The following FAH variants were observed in gnomAD, a reference collection of about 807,000 sequenced individuals.
FAH encodes the protein fumarylacetoacetase.
A neutral mutation model predicts 55.8 loss-of-function variants in FAH; 47 were observed. That is an observed-to-expected ratio of 0.84 (90% confidence interval 0.67 to 1.07). FAH has a LOEUF of 1.07. Ranked by LOEUF, FAH falls within the 50% of genes least tolerant of loss-of-function variation. FAH has a pLI of 0.00. For synonymous variants in FAH, 199 were observed against 207.7 expected, an observed-to-expected ratio of 0.96 and a Z score of 0.36; for missense variants, 495 against 545.9, an observed-to-expected ratio of 0.91 and a Z score of 0.93.
At position 80,168,057 on chromosome 15, in the gene FAH, A is replaced by G; in HGVS notation, c.461A>G (p.His154Arg). The G allele has an allele frequency of 1.9e-6, 3 of 1,613,918 alleles. No homozygotes were observed. The highest frequency in any genetic ancestry group is 2.5e-6 in the Non-Finnish European group (3 of 1,179,832). Residue 154 changes from histidine (H) to arginine (R), a missense_variant, in exon 6 of 14, where the codon CAC (histidine) becomes CGC (arginine). Coordinates refer to ENST00000561421, the MANE Select transcript of FAH (RefSeq NM_000137.4). ...KENALMPNWL[H>R]LPVGYHGRAS... The stretch of plus-strand genomic sequence containing the variant: ...CTCTTGCCTTCCTTTCTCAGGCTGC[A>G]CTTACCAGTGGGCTACCATGGCCGT...
chr15:80,173,032 G>T lies in FAH; in HGVS notation c.725G>T (p.Trp242Leu), dbSNP rs1227138344. 6.2e-7 allele frequency: 1 copy of T among 1,614,228 alleles called. No individual in the cohort carries two copies. The highest frequency in any genetic ancestry group is 1.7e-5 in the Admixed American group (1 of 60,024). The change falls in exon 9 of 14, where the codon TGG becomes TTG. Residue 242 changes from tryptophan to leucine, a missense_variant. Physicochemically the swap from Trp to Leu is moderately conservative, Grantham distance 61 (BLOSUM62 -2). Coordinates refer to ENST00000561421, the MANE Select transcript of FAH (RefSeq NM_000137.4). ...NDWSARDIQK[W>L]EYVPLGPFLG... Reference sequence around the variant, plus strand: ...TCTGCAGCACGAGACATTCAGAAGTGGGAGTATGTCCCTCTCGGGCCATTC... The same window carrying T: ...TCTGCAGCACGAGACATTCAGAAGTTGGAGTATGTCCCTCTCGGGCCATTC...
In FAH at chr15:80,167,530, C is replaced by CT. The variant is rs11315019; in HGVS notation, c.456-503dup. 1.9e-3 allele frequency among the ~76,000 whole-genome samples: 209 copies of CT among 110,762 alleles called. 1 individual carries two copies. Among genetic ancestry groups the CT allele is most frequent in the Middle Eastern group, 4.8e-3 (1 of 208 alleles). 72.7% of individuals were successfully genotyped at this position (110,762 alleles called of 152,430 possible). On this transcript the variant is annotated intron_variant, in intron 5 of 13. Coordinates refer to ENST00000561421, the MANE Select transcript of FAH (RefSeq NM_000137.4). ...TCTGGGAGTTAGGACATGGCTGTAT[C>CT]TTTTTTTTTTTTTTTTTTTGAGATG...
chr15:80,180,700 C>T (rs1415612358), intron 12 of FAH, among the ~76,000 whole-genome samples: 1 of 152,038 alleles, frequency 6.6e-6, no homozygotes, highest in African/African-American at 2.4e-5. Context: ...CTTGAGCTGT[C>T]GACAGGAGGG....
intron 12 of FAH, 57 bp downstream of exon 12, chr15:80,180,282 A>C (rs1293179059): frequency 2.2e-6 from 3 of 1,387,356 alleles, no homozygotes; most frequent in Non-Finnish European, 3.0e-6. Flanking sequence ...CTCCCCACAC[A>C]GCCCCAAGGG....
chr15:80,158,051 T>C lies in FAH; in HGVS notation c.82-9T>C, dbSNP rs1281899641. Reference sequence around the variant, plus strand: ...TTTTCTGGTGCTGACGGTGTCGTCTTCCTCCTAGCCAAGACCGAGGATAGG... The same window carrying C: ...TTTTCTGGTGCTGACGGTGTCGTCTCCCTCCTAGCCAAGACCGAGGATAGG... On this transcript the variant is annotated splice_polypyrimidine_tract_variant and intron_variant, in intron 1 of 13. Coordinates refer to ENST00000561421, the MANE Select transcript of FAH (RefSeq NM_000137.4). 6.2e-7 allele frequency: 1 copy of C among 1,608,480 alleles called. No homozygotes were observed. The highest frequency in any genetic ancestry group is 1.1e-5 in the South Asian group (1 of 90,976).
At chr15:80,184,390 T>C (rs1396238438) in intron 13 of FAH, among the ~76,000 whole-genome samples, 1 of 152,200 alleles carries the variant, frequency 6.6e-6, no homozygotes, top group African/African-American at 2.4e-5. Context: ...GCATTATTGC[T>C]TGCCTTGCCT....
Position 80,175,702 on chromosome 15 carries a change from C to T in FAH, c.913+611C>T, listed in dbSNP as rs140981280. Among the ~76,000 whole-genome samples the T allele has an allele frequency of 2.4e-3, 359 of 152,372 alleles. 2 individuals are homozygous for T. Among genetic ancestry groups the T allele is most frequent in the Non-Finnish European group, 4.0e-3 (271 of 68,030 alleles). ...GGCGTTGGTAATAAAGAGACTGGCT[C>T]TGCAGGCCATGACTCTGCTGCTCAG... is the stretch of plus-strand genomic sequence containing the variant. On this transcript the variant is annotated intron_variant, in intron 10 of 13. Transcript: ENST00000561421.
At chr15:80,166,639 T>C (rs890581948) in intron 5 of FAH, among the ~76,000 whole-genome samples, 25 of 146,394 alleles carry the variant, frequency 1.7e-4, no homozygotes, top group Middle Eastern at 3.5e-3. Flanking sequence ...CATTTTCTTT[T>C]TTTTTTTTTT....
At chr15:80,178,216 A>C (rs1357050336) in intron 11 of FAH, among the ~76,000 whole-genome samples, 3 of 152,120 alleles carry the variant, frequency 2.0e-5, no homozygotes, top group African/African-American at 7.2e-5. Context: ...TAAAAATTAA[A>C]AAAAGTGCAT....
intron 2 of FAH, 64 bp from the exon 3 acceptor site, chr15:80,159,691 TG>T: frequency 6.2e-7 from 1 of 1,607,970 alleles, no homozygotes; most frequent in Non-Finnish European, 8.5e-7. Flanking sequence ...GGCCTTCCAT[TG>T]GAAGGAGGGA....
At chr15:80,179,688 G>T (rs2142107312) in intron 11 of FAH, among the ~76,000 whole-genome samples, 1 of 152,344 alleles carries the variant, frequency 6.6e-6, no homozygotes, top group South Asian at 2.1e-4. Flanking sequence ...GAGAATGGGA[G>T]CGAGGGCTTT....
rs189857549 is a variant in FAH at position 80,177,941 on chromosome 15, T to A, written c.960+358T>A. 2.0e-5 allele frequency among the ~76,000 whole-genome samples: 3 copies of A among 152,322 alleles called. No individual in the cohort carries two copies. The East Asian group carries it at 5.8e-4, about 29-fold the overall frequency. On this transcript the variant is annotated intron_variant, in intron 11 of 13. Coordinates refer to ENST00000561421, the MANE Select transcript of FAH (RefSeq NM_000137.4). The stretch of plus-strand genomic sequence containing the variant: ...ACATAGATAAAAATGCACACATTAC[T>A]GTAATCCCAGCACTTTGGGAGGCCA...
chr15:80,171,322 T>G (rs1183642723), intron 7 of FAH, among the ~76,000 whole-genome samples: 1 of 127,170 alleles, frequency 7.9e-6, no homozygotes, highest in Non-Finnish European at 1.8e-5. Context: ...CCATAAAAAA[T>G]GATGAGTTCA....
upstream of FAH, chr15:80,152,921 G>A (rs2041062987): frequency 1.5e-5 from 11 of 723,656 alleles, no homozygotes; most frequent in Non-Finnish European, 2.6e-5. Context: ...AGCCTCCGGG[G>A]TCCCTGCTGT....
At chr15:80,155,857 G>A (rs180690009) in intron 1 of FAH, 115 of 464,926 alleles carry the variant, frequency 2.5e-4, no homozygotes, top group Middle Eastern at 6.7e-4. Flanking sequence ...TTTCTTCTAT[G>A]CACTTATAAG....
chr15:80,166,639 T>TTC (rs2041194428), intron 5 of FAH, among the ~76,000 whole-genome samples: 3 of 146,396 alleles, frequency 2.0e-5, no homozygotes, highest in African/African-American at 5.0e-5. Context: ...CATTTTCTTT[T>TTC]TTTTTTTTTT....
chr15:80,173,118 C>A lies in FAH; in HGVS notation c.811C>A (p.Pro271Thr). Residue 271 changes from proline to threonine, a missense_variant, in exon 9 of 14, where the codon CCC (proline) becomes ACC (threonine). Pro to Thr is a conservative substitution (Grantham distance 38). Transcript: ENST00000561421. ...GGTGGTGCCCATGGATGCTCTCATG[C>A]CCTTTGCTGTGCCCAACCCGAAGCA... is the stretch of plus-strand genomic sequence containing the variant. ...PWVVPMDALM[P>T]FAVPNPKQDP... 1 of 1,614,202 alleles carries A rather than the reference C, an allele frequency of 6.2e-7. No individual in the cohort carries two copies. Among genetic ancestry groups the A allele is most frequent in the Non-Finnish European group, 8.5e-7 (1 of 1,180,036 alleles).
intron 13 of FAH, among the ~76,000 whole-genome samples, chr15:80,182,796 T>C (rs1397618552): frequency 1.3e-5 from 2 of 152,374 alleles, no homozygotes; most frequent in South Asian, 2.1e-4. Context: ...CTAGTCTTTC[T>C]GCAATGCTTG....
At chr15:80,163,631 T>C (rs1427966109) in intron 5 of FAH, 1 of 152,262 alleles carries the variant, frequency 6.6e-6, no homozygotes, top group African/African-American at 2.4e-5. Flanking sequence ...CTGTGACTTT[T>C]TAGCTTTATG....
Sources: gnomAD v4.1 joint callset for allele counts (sites outside exome capture counted in the v4.1 genomes callset) on GRCh38, gnomAD v4.1.1 for gene constraint, MANE v1.5 for transcripts, NCBI Gene and HGNC (gene_info 2026-07-23, HGNC 2026-07-21) for gene names.